The following TBCE variants were observed in gnomAD, a reference collection of about 807,000 sequenced individuals.
TBCE encodes the protein tubulin-specific chaperone E.
A neutral mutation model predicts 77.0 loss-of-function variants in TBCE; 53 were observed. The observed-to-expected ratio is 0.69, with a 90% confidence interval of 0.55 to 0.87. The LOEUF is 0.87. TBCE is among the 40% of genes least tolerant of loss of function. TBCE has a pLI of 0.00. For synonymous variants in TBCE, 235 were observed against 241.3 expected (o/e 0.97, Z 0.24); for missense variants, 624 against 622.4 (o/e 1.00, Z -0.03).
At chr1:235,419,240 G>C in intron 4 of TBCE, 1 of 619,914 alleles carries the variant, frequency 1.6e-6, no homozygotes, top group Admixed American at 2.9e-5. Context: ...TCTGGGAGTA[G>C]AGGGAGAATT....
rs112993941 is a variant in TBCE, at chr1:235,401,448, G to A, written c.101-55G>A. 1,152 of 1,475,786 alleles carry A rather than the reference G, an allele frequency of 7.8e-4. 11 individuals carry two copies. The African/African-American group carries it at 0.014, about 18-fold the overall frequency. The allele number at this position is 1,475,786 out of a possible 1,614,324, so 91.4% of individuals were successfully genotyped here. A position where few individuals can be genotyped will look rare whatever the true frequency, so the allele number is the denominator to read the frequency against. ...AATTGGTATTTGCTTGCAGAAAACT[G>A]GAGCATTGCCTGTATCATCATCTGT... is the stretch of plus-strand genomic sequence containing the variant. On this transcript the variant is annotated intron_variant, in intron 2 of 16. Transcript: ENST00000642610.
At chr1:235,374,920 CTTTTT>C (rs1241323977) in intron 1 of TBCE, among the ~76,000 whole-genome samples, 1 of 111,978 alleles carries the variant, frequency 8.9e-6, no homozygotes. Context: ...CTTTTTTTTT[CTTTTT>C]TTTTTTTTTT....
At chr1:235,390,889 T>G (rs908992007) in intron 2 of TBCE, among the ~76,000 whole-genome samples, 2 of 152,086 alleles carry the variant, frequency 1.3e-5, no homozygotes, top group Non-Finnish European at 2.9e-5. Flanking sequence ...GTGTGCAGCC[T>G]CTAAGCCTCT....
At chr1:235,397,570 A>T (rs963106324) in intron 2 of TBCE, among the ~76,000 whole-genome samples, 3 of 152,064 alleles carry the variant, frequency 2.0e-5, no homozygotes, top group Non-Finnish European at 2.9e-5. Flanking sequence ...ATTATTTTTA[A>T]TTCTTGTGAT....
In TBCE at chr1:235,450,452, A is replaced by T. The variant is rs1005342702; in HGVS notation, c.*1690A>T. 1 of 1,325,200 alleles carries T rather than the reference A, an allele frequency of 7.5e-7. No homozygotes were observed. The highest frequency in any genetic ancestry group is 1.5e-5 in the African/African-American group (1 of 68,878). The allele number at this position is 1,325,200 out of a possible 1,614,324, so 82.1% of individuals were successfully genotyped here. On this transcript the variant is annotated 3_prime_UTR_variant, in exon 17 of 17. Transcript: ENST00000642610. ...ATTCTAATGATGCTGAAATTATTTC[A>T]AGGATAACTCCGTGTGTGGAACAAC... is the stretch of plus-strand genomic sequence containing the variant.
intron 13 of TBCE, 100 bp downstream of exon 13, chr1:235,439,022 C>G (rs1681649025): frequency 1.2e-5 from 18 of 1,539,154 alleles, no homozygotes; most frequent in Non-Finnish European, 1.6e-5. Context: ...TGCTTTTGCC[C>G]TTCTTCCTTT....
At chr1:235,382,377 A>G (rs1052699449) in intron 2 of TBCE, among the ~76,000 whole-genome samples, 4 of 152,138 alleles carry the variant, frequency 2.6e-5, no homozygotes, top group East Asian at 1.9e-4. Flanking sequence ...CTAGATCCCC[A>G]AGGAATCGCC....
rs1461468350 is a variant in TBCE at position 235,380,097 on chromosome 1, T to C, written c.48T>C (p.Val16=). 1 of 1,613,664 alleles carries C rather than the reference T, an allele frequency of 6.2e-7. No homozygotes were observed. Among genetic ancestry groups the C allele is most frequent in the African/African-American group, 1.3e-5 (1 of 74,810 alleles). ...TADVIGRRVE[V]NGEHATVRFA... ...ATGTCATTGGTCGAAGAGTTGAAGT[T>C]AATGGAGAACATGCAACAGTACGTT... Residue 16 remains valine (V), a synonymous_variant, in exon 2 of 17, where the codon GTT becomes GTC. Coordinates refer to ENST00000642610, the MANE Select transcript of TBCE (RefSeq NM_003193.5).
At chr1:235,372,461 T>C (rs1043415359) in intron 1 of TBCE, among the ~76,000 whole-genome samples, 13 of 152,326 alleles carry the variant, frequency 8.5e-5, no homozygotes, top group African/African-American at 3.1e-4. Flanking sequence ...TTAGCTGTTT[T>C]CTTTGGAGTT....
At chr1:235,442,040 C>A (rs1057246915) in intron 14 of TBCE, among the ~76,000 whole-genome samples, 158 bp downstream of exon 14, 1 of 151,116 alleles carries the variant, frequency 6.6e-6, no homozygotes, top group Non-Finnish European at 1.5e-5. Flanking sequence ...CAGAGTCTCC[C>A]TCTGTCTCCC....
chr1:235,380,179 G>A, intron 2 of TBCE, 30 bp downstream of exon 2: 4 of 628,546 alleles, frequency 6.4e-6, no homozygotes, highest in Non-Finnish European at 8.4e-6. Context: ...GTGTGTGTGT[G>A]TGTGTGTGTG....
chr1:235,428,370 C>T lies in TBCE; in HGVS notation c.560+1131C>T, dbSNP rs141040573. 8.6e-5 allele frequency among the ~76,000 whole-genome samples: 13 copies of T among 152,030 alleles called. No individual in the cohort carries two copies. The East Asian group carries it at 2.5e-3, about 30-fold the overall frequency. ...AAAATCTGCATCTGCTGCCAGCTTG[C>T]CTTTTTCTTCTTGGAAGTCCCCTCT... On this transcript the variant is annotated intron_variant, in intron 6 of 16. Transcript: ENST00000642610.
chr1:235,406,903 C>T (rs1428465908), intron 3 of TBCE, among the ~76,000 whole-genome samples: 6 of 145,254 alleles, frequency 4.1e-5, no homozygotes, highest in South Asian at 2.2e-4. Flanking sequence ...GGCGTGATCT[C>T]GCCTCACTGC....
At chr1:235,392,678 T>TG (rs1339457890) in intron 2 of TBCE, among the ~76,000 whole-genome samples, 1 of 151,890 alleles carries the variant, frequency 6.6e-6, no homozygotes, top group African/African-American at 2.4e-5. Context: ...CCCAAAGTGC[T>TG]GGGATTACAT....
intron 6 of TBCE, among the ~76,000 whole-genome samples, chr1:235,428,099 C>T (rs899468232): frequency 4.0e-5 from 6 of 151,534 alleles, no homozygotes; most frequent in South Asian, 2.1e-4. Context: ...CTGAGGCGGG[C>T]GGATCATGAG....
chr1:235,446,757 G>A (rs1230408742), intron 15 of TBCE, among the ~76,000 whole-genome samples: 1 of 151,358 alleles, frequency 6.6e-6, no homozygotes, highest in Non-Finnish European at 1.5e-5. Flanking sequence ...GAGTACAGTG[G>A]CGCGATCATG....
intron 2 of TBCE, among the ~76,000 whole-genome samples, chr1:235,399,469 A>G (rs1404702986): frequency 6.6e-6 from 1 of 152,102 alleles, no homozygotes; most frequent in African/African-American, 2.4e-5. Context: ...TTCTTCCACC[A>G]TTCTGACTGT....
Position 235,438,923 on chromosome 1 carries a change from G to A in TBCE, c.1270+1G>A. ...CCCAGATACCAGTTCCTCTGCCTGA[G>A]TACGTGCGTATACACTGGTGGCCTT... On this transcript the variant is annotated splice_donor_variant, in intron 13 of 16. Coordinates refer to ENST00000642610, the MANE Select transcript of TBCE (RefSeq NM_003193.5). LOFTEE classifies it high-confidence loss of function. 1 of 1,614,146 alleles carries A rather than the reference G, an allele frequency of 6.2e-7. No homozygotes were observed. Among genetic ancestry groups the A allele is most frequent in the Non-Finnish European group, 8.5e-7 (1 of 1,180,046 alleles).
At chr1:235,369,855 T>A (rs1676801599) in intron 1 of TBCE, among the ~76,000 whole-genome samples, 1 of 150,152 alleles carries the variant, frequency 6.7e-6, no homozygotes, top group Non-Finnish European at 1.5e-5. Context: ...AAAGCCGAAG[T>A]CTTCAGAGTG....
Sources: allele counts gnomAD v4.1 joint callset (sites outside exome capture counted in the v4.1 genomes callset), GRCh38; gene constraint gnomAD v4.1.1; transcripts MANE v1.5; gene names NCBI Gene and HGNC (gene_info 2026-07-23, HGNC 2026-07-21).